The following MACROD2 variants were observed in gnomAD, a reference collection of about 807,000 sequenced individuals.
The protein encoded by MACROD2 is ADP-ribose glycohydrolase MACROD2.
Under a neutral mutation model 70.4 loss-of-function variants are expected in MACROD2, and 36 were observed. That is an observed-to-expected ratio of 0.51 (90% CI 0.39 to 0.68). The LOEUF (loss-of-function observed/expected upper bound fraction) is 0.68. Among genes scored for constraint, MACROD2 ranks in the 30% least tolerant of loss-of-function variants. MACROD2 has a pLI of 0.00. For synonymous variants in MACROD2, 172 were observed against 178.8 expected, an observed-to-expected ratio of 0.96 and a Z score of 0.30; for missense variants, 496 against 538.4, an observed-to-expected ratio of 0.92 and a Z score of 0.78.
intron 6 of MACROD2, among the ~76,000 whole-genome samples, chr20:15,325,063 CA>C (rs1398613165): frequency 1.3e-5 from 2 of 152,226 alleles, no homozygotes; most frequent in African/African-American, 4.8e-5. Context: ...GTAGCAGAGA[CA>C]GGGTAGTCAG....
intron 15 of MACROD2, among the ~76,000 whole-genome samples, chr20:16,014,081 GT>G (rs1330532780): frequency 1.3e-5 from 2 of 152,184 alleles, no homozygotes; most frequent in African/African-American, 4.8e-5. Flanking sequence ...CACATCAAGG[GT>G]TTCTTTTAGA....
intron 5 of MACROD2, among the ~76,000 whole-genome samples, chr20:15,158,048 C>A (rs1046174008): frequency 4.6e-5 from 7 of 152,106 alleles, no homozygotes; most frequent in Non-Finnish European, 1.5e-5. Flanking sequence ...CTCCCATTAG[C>A]AACACATAAT....
chr20:14,090,110 A>T (rs1042641842), intron 3 of MACROD2, among the ~76,000 whole-genome samples: 1 of 152,112 alleles, frequency 6.6e-6, no homozygotes, highest in African/African-American at 2.4e-5. Flanking sequence ...ATATTGTTAC[A>T]TTACTGTTGT....
At chr20:15,530,147 C>T (rs969363055) in intron 8 of MACROD2, among the ~76,000 whole-genome samples, 3 of 152,044 alleles carry the variant, frequency 2.0e-5, no homozygotes, top group Non-Finnish European at 4.4e-5. Flanking sequence ...CCTTCTTTGG[C>T]CATATGTAGA....
At chr20:14,407,077 C>T (rs2083698064) in intron 3 of MACROD2, among the ~76,000 whole-genome samples, 2 of 150,612 alleles carry the variant, frequency 1.3e-5, no homozygotes, top group South Asian at 4.2e-4. Context: ...TATTTTTAAA[C>T]AATCCTTTTA....
At chr20:15,473,285 C>T (rs2046983130) in intron 7 of MACROD2, among the ~76,000 whole-genome samples, 2 of 152,206 alleles carry the variant, frequency 1.3e-5, no homozygotes, top group South Asian at 4.1e-4. Flanking sequence ...GAAACACTTT[C>T]TCTAGGTAGA....
chr20:14,008,475 A>G (rs1010919781), intron 2 of MACROD2, among the ~76,000 whole-genome samples: 2 of 152,218 alleles, frequency 1.3e-5, no homozygotes, highest in Non-Finnish European at 1.5e-5. Flanking sequence ...ATCAGAGAGG[A>G]CACAAACAGA....
At chr20:14,190,088 C>G (rs2081372675) in intron 3 of MACROD2, among the ~76,000 whole-genome samples, 1 of 152,130 alleles carries the variant, frequency 6.6e-6, no homozygotes, top group Non-Finnish European at 1.5e-5. Context: ...GGACAGCAAA[C>G]TAGGAATCAA....
Position 15,050,642 on chromosome 20 carries a change from C to T in MACROD2, c.419-179298C>T, listed in dbSNP as rs145823848. ...CTGCAAGCTCCGCCTCCTGGGTTCA[C>T]GCTAGGTTTCTTCTTAAATGACCTA... On this transcript the variant is annotated intron_variant, in intron 5 of 17. Coordinates refer to ENST00000684519, the MANE Select transcript of MACROD2 (RefSeq NM_001351661.2). 1.1e-4 allele frequency among the ~76,000 whole-genome samples: 16 copies of T among 144,072 alleles called. 1 individual carries two copies. The highest frequency in any genetic ancestry group is 4.4e-4 in the South Asian group (2 of 4,522). 94.5% of individuals were successfully genotyped at this position (144,072 alleles called of 152,430 possible).
rs185440355 is a variant in MACROD2, at chr20:15,605,535, G to C, written c.645+105688G>C. Among the ~76,000 whole-genome samples the C allele has an allele frequency of 3.6e-3, 542 of 151,590 alleles. 3 individuals carry two copies. Among genetic ancestry groups the C allele is most frequent in the Admixed American group, 9.4e-3 (143 of 15,198 alleles). On this transcript the variant is annotated intron_variant, in intron 8 of 17. Coordinates refer to ENST00000684519, the MANE Select transcript of MACROD2 (RefSeq NM_001351661.2). Reference sequence around the variant, plus strand: ...CTGATTTTTCTTTTGGAGTAAATCAGTGTTGGACCCAAAAAGCAAAACCAA... The same window carrying C: ...CTGATTTTTCTTTTGGAGTAAATCACTGTTGGACCCAAAAAGCAAAACCAA...
intron 5 of MACROD2, among the ~76,000 whole-genome samples, chr20:14,783,117 C>A (rs994507841): frequency 2.0e-5 from 3 of 152,146 alleles, no homozygotes; most frequent in African/African-American, 7.2e-5. Flanking sequence ...AACACTACTA[C>A]TTTTCCATGT....
intron 8 of MACROD2, among the ~76,000 whole-genome samples, chr20:15,519,800 T>C (rs143220611): frequency 5.9e-5 from 9 of 152,236 alleles, no homozygotes; most frequent in Admixed American, 2.6e-4. Context: ...CACTCTCTGG[T>C]TTGCACTAGG....
intron 5 of MACROD2, among the ~76,000 whole-genome samples, chr20:14,920,673 A>C (rs1221800500): frequency 6.6e-6 from 1 of 152,166 alleles, no homozygotes; most frequent in African/African-American, 2.4e-5. Flanking sequence ...TAAGCATGTT[A>C]TCATAGCTAT....
At chr20:15,242,290 A>T (rs1361018878) in intron 6 of MACROD2, among the ~76,000 whole-genome samples, 2 of 152,202 alleles carry the variant, frequency 1.3e-5, no homozygotes, top group Admixed American at 1.3e-4. Flanking sequence ...GAAAATGAAA[A>T]GCTAGGTTTA....
chr20:15,295,014 C>T (rs2077573558), intron 6 of MACROD2, among the ~76,000 whole-genome samples: 1 of 152,154 alleles, frequency 6.6e-6, no homozygotes, highest in South Asian at 2.1e-4. Flanking sequence ...AATTATAGCT[C>T]CCATAATCCC....
intron 8 of MACROD2, among the ~76,000 whole-genome samples, chr20:15,825,019 G>A (rs779792954): frequency 6.6e-6 from 1 of 152,166 alleles, no homozygotes; most frequent in Admixed American, 6.6e-5. Flanking sequence ...TTGTTGAGGT[G>A]ATTTAGGCCA....
chr20:15,528,227 C>T (rs73614420), intron 8 of MACROD2, among the ~76,000 whole-genome samples: 18,311 of 152,034 alleles, frequency 0.12, 1,304 homozygotes, highest in East Asian at 0.28. Flanking sequence ...CTCCACCTCC[C>T]GGGCTCAAAC....
chr20:14,920,894 T>A (rs994664152), intron 5 of MACROD2, among the ~76,000 whole-genome samples: 9 of 152,292 alleles, frequency 5.9e-5, no homozygotes, highest in African/African-American at 1.9e-4. Flanking sequence ...GAAAGTCACT[T>A]GGTCTTTAGG....
chr20:14,179,217 T>C (rs2081288019), intron 3 of MACROD2, among the ~76,000 whole-genome samples: 1 of 152,212 alleles, frequency 6.6e-6, no homozygotes, highest in Non-Finnish European at 1.5e-5. Flanking sequence ...GGATGTCATA[T>C]TTACTTTTTT....
Sources: allele counts gnomAD v4.1 joint callset (sites outside exome capture counted in the v4.1 genomes callset), GRCh38; gene constraint gnomAD v4.1.1; transcripts MANE v1.5; gene names NCBI Gene and HGNC (gene_info 2026-07-23, HGNC 2026-07-21).